AK9: variants seen among roughly 807,000 people sequenced by gnomAD.
AK9 encodes the protein adenylate kinase domain containing 1.
AK9 carries 191 observed loss-of-function variants against 239.6 expected under a neutral mutation model. The observed-to-expected ratio is 0.80, with a 90% CI of 0.71 to 0.90. The LOEUF (loss-of-function observed/expected upper bound fraction) is 0.90, where lower values mean the gene tolerates loss of function less well. Among genes scored for constraint, AK9 ranks in the 40% least tolerant of loss-of-function variants. The pLI, the probability that AK9 is intolerant of heterozygous loss-of-function variation, is 0.00. For synonymous variants in AK9, 689 were observed against 721.0 expected (o/e 0.96, Z 0.71); for missense variants, 1,995 against 2,214.7 (o/e 0.90, Z 1.99).
intron 17 of AK9, among the ~76,000 whole-genome samples, chr6:109,589,576 G>A (rs1276894245): frequency 6.6e-6 from 1 of 152,108 alleles, no homozygotes; most frequent in Non-Finnish European, 1.5e-5. Flanking sequence ...TCTCTTACCT[G>A]ATTGCTATAG....
intron 27 of AK9, among the ~76,000 whole-genome samples, chr6:109,541,479 C>T (rs543097751): frequency 2.6e-5 from 4 of 152,310 alleles, no homozygotes; most frequent in African/African-American, 4.8e-5. Context: ...GGCACTGTCT[C>T]GGCTCACTGC....
At chr6:109,667,322 T>C (rs767656673) in intron 5 of AK9, among the ~76,000 whole-genome samples, 3 of 151,774 alleles carry the variant, frequency 2.0e-5, no homozygotes, top group Middle Eastern at 3.4e-3. Flanking sequence ...TAATTCTCTT[T>C]GTTATTTTAT....
At chr6:109,672,201 G>A in intron 3 of AK9, 34 bp from the exon 4 acceptor site, 1 of 1,537,742 alleles carries the variant, frequency 6.5e-7, no homozygotes, top group Non-Finnish European at 8.9e-7. Context: ...AATACAGACT[G>A]ATATTAAGAT....
At chr6:109,666,345 T>G (rs1801195898) in intron 5 of AK9, among the ~76,000 whole-genome samples, 1 of 152,172 alleles carries the variant, frequency 6.6e-6, no homozygotes. Flanking sequence ...AGTGTCAACC[T>G]TTCCAATTCC....
intron 29 of AK9, among the ~76,000 whole-genome samples, chr6:109,520,788 G>A (rs1779778292): frequency 6.6e-6 from 1 of 152,122 alleles, no homozygotes; most frequent in Non-Finnish European, 1.5e-5. Context: ...TCTTTCAGCA[G>A]TGTTTTGTAG....
rs576677481 is a variant in AK9, at chr6:109,545,089, T to C, written c.3225+778A>G. Among the ~76,000 whole-genome samples, 45 of 152,306 alleles carry C rather than the reference T, an allele frequency of 3.0e-4. 1 individual carries two copies. Among genetic ancestry groups the C allele is most frequent in the African/African-American group, 9.9e-4 (41 of 41,558 alleles). On this transcript the variant is annotated intron_variant, in intron 26 of 40. Transcript: ENST00000424296. The stretch of plus-strand genomic sequence containing the variant: ...AATTATTTTCTCTTCTTAGAAACTT[T>C]ATAGAGTTTTATACTACCACTACCC...
intron 1 of AK9, among the ~76,000 whole-genome samples, chr6:109,677,619 TAAAA>T (rs1401251735): frequency 9.9e-5 from 15 of 152,152 alleles, no homozygotes; most frequent in Non-Finnish European, 2.9e-5. Context: ...AGGAGGCATT[TAAAA>T]TTGGTGAATA....
chr6:109,547,439 G>A (rs1333057544), intron 25 of AK9, among the ~76,000 whole-genome samples: 2 of 152,092 alleles, frequency 1.3e-5, no homozygotes, highest in Non-Finnish European at 2.9e-5. Context: ...CCAAATACGT[G>A]GAAGAAAGGA....
intron 17 of AK9, among the ~76,000 whole-genome samples, chr6:109,593,982 C>T (rs1790646851): frequency 6.6e-6 from 1 of 152,168 alleles, no homozygotes; most frequent in African/African-American, 2.4e-5. Flanking sequence ...TCTCACCACT[C>T]CTATTCAACA....
intron 35 of AK9, among the ~76,000 whole-genome samples, chr6:109,502,984 T>G (rs1339216643): frequency 6.7e-6 from 1 of 150,218 alleles, no homozygotes; most frequent in African/African-American, 2.4e-5. Flanking sequence ...TGTGTGTGTG[T>G]GTGTGTATTA....
chr6:109,676,015 G>A (rs1265831789), intron 1 of AK9, among the ~76,000 whole-genome samples: 1 of 151,886 alleles, frequency 6.6e-6, no homozygotes, highest in East Asian at 1.9e-4. Flanking sequence ...ACTAACTTGA[G>A]GAAAAAATAC....
At chr6:109,539,885 C>G (rs145725621) in intron 27 of AK9, among the ~76,000 whole-genome samples, 424 of 152,226 alleles carry the variant, frequency 2.8e-3, no homozygotes, top group African/African-American at 9.8e-3. Context: ...TCCTGTTTGC[C>G]TGGGTATCAG....
chr6:109,495,373 G>C lies in AK9; in HGVS notation c.5383C>G (p.Leu1795Val), dbSNP rs762615512. 4.3e-6 allele frequency: 7 copies of C among 1,613,818 alleles called. No individual in the cohort carries two copies. In the Admixed American group the frequency reaches 1.2e-4, roughly 27 times the overall value. The change falls in exon 39 of 41, where the codon CTT becomes GTT. Residue 1795 changes from leucine to valine, a missense_variant. Physicochemically the swap from Leu to Val is conservative, Grantham distance 32. Around this residue, in one of 5 missense-constraint regions of AK9, gnomAD observed 391 missense variants for 456.0 expected, o/e 0.86. Coordinates refer to ENST00000424296, the MANE Select transcript of AK9 (RefSeq NM_001145128.3). ...TATCCAGGCAAAGGAAGACTAGTAA[G>C]AAGTATCGGTTCCCTTAATGGGGGA... ...KLPPLREPIL[L>V]TSLPLPGYLE...
At chr6:109,504,608 A>T (rs1777920129) in intron 35 of AK9, among the ~76,000 whole-genome samples, 1 of 152,018 alleles carries the variant, frequency 6.6e-6, no homozygotes, top group South Asian at 2.1e-4. Flanking sequence ...CGGGAGTTTG[A>T]GCCCAGCCTG....
intron 31 of AK9, 50 bp downstream of exon 31, chr6:109,515,807 G>C (rs1044626626): frequency 6.9e-7 from 1 of 1,456,796 alleles, no homozygotes; most frequent in Non-Finnish European, 9.3e-7. Flanking sequence ...ACATACCTTT[G>C]AAAAAAATAA....
chr6:109,550,180 T>C lies in AK9; in HGVS notation c.2874A>G (p.Arg958=). ...CACTTGAAAAGTAGTAGATCTTTTCTCGATACTTGGCTGCTTCTTCTGTGT... is the reference window on the plus strand; with the variant it reads ...CACTTGAAAAGTAGTAGATCTTTTCCCGATACTTGGCTGCTTCTTCTGTGT... The part of the protein sequence containing the change: ...PGNTEEAAKY[R]EKIYYFSSAE... The change falls in exon 25 of 41, where the codon CGA becomes CGG. Residue 958 remains arginine, a synonymous_variant. Transcript: ENST00000424296. The C allele has an allele frequency of 6.2e-7, 1 of 1,614,016 alleles. No individual in the cohort carries two copies. Among genetic ancestry groups the C allele is most frequent in the Non-Finnish European group, 8.5e-7 (1 of 1,180,014 alleles).
At chr6:109,623,274 TCTTTAGTGTAACTAGAACTTAGTAGTGA>T in intron 12 of AK9, among the ~76,000 whole-genome samples, 1 of 152,328 alleles carries the variant, frequency 6.6e-6, no homozygotes, top group Non-Finnish European at 1.5e-5. Context: ...CTAATTCTCC[TCTTTAGTGTAACTAGAACTTAGTAGTGA>T]CTTGCTTTAA....
At chr6:109,674,123 T>C (rs1295152200) in intron 3 of AK9, 75 bp downstream of exon 3, 13 of 1,234,270 alleles carry the variant, frequency 1.1e-5, no homozygotes, top group African/African-American at 1.5e-5. Context: ...GGGCATTCAC[T>C]GTATAATTAT....
rs564633102 is a variant in AK9 at position 109,677,196 on chromosome 6, C to T, written c.-11-1440G>A. On this transcript the variant is annotated intron_variant, in intron 1 of 40. Transcript: ENST00000424296. ...CTGTGCACCAAACTCCTATGACATG[C>T]AATTTACCTATATAGTAAACCTGCA... Among the ~76,000 whole-genome samples, 176 of 152,118 alleles carry T rather than the reference C, an allele frequency of 1.2e-3. 1 individual carries two copies. Among genetic ancestry groups the T allele is most frequent in the South Asian group, 2.3e-3 (11 of 4,818 alleles).
Sources: gnomAD v4.1 joint callset for allele counts (sites outside exome capture counted in the v4.1 genomes callset) on GRCh38, gnomAD v4.1.1 for gene constraint, gnomAD v4.1.1 regional missense constraint, MANE v1.5 for transcripts, NCBI Gene and HGNC (gene_info 2026-07-23, HGNC 2026-07-21) for gene names.